Variants in ARHGAP35 observed in about 807,000 individuals in gnomAD.
ARHGAP35 encodes the protein Rho GTPase activating protein 35, also known as rho GTPase-activating protein 35.
ARHGAP35 carries 15 observed loss-of-function variants against 111.1 expected under a neutral mutation model. The observed-to-expected ratio is 0.13, with a 90% CI of 0.09 to 0.21. The LOEUF is 0.21. Among genes scored for constraint, ARHGAP35 ranks in the 10% least tolerant of loss-of-function variants. The pLI is 1.00. For missense variants in ARHGAP35, 1,262 were observed against 1,873.0 expected (o/e 0.67, Z 6.02); for synonymous variants, 643 against 710.3 (o/e 0.91, Z 1.51).
chr19:46,958,629 G>A (rs2056456895), intron 3 of ARHGAP35, among the ~76,000 whole-genome samples: 1 of 152,178 alleles, frequency 6.6e-6, no homozygotes, highest in African/African-American at 2.4e-5. Context: ...GCTCTACCTC[G>A]TTGATTGACC....
chr19:46,986,723 CAAG>C lies in ARHGAP35; in HGVS notation c.3827-1263_3827-1261del, dbSNP rs1361986961. 6.6e-6 allele frequency among the ~76,000 whole-genome samples: 1 copy of C among 152,178 alleles called. No individual in the cohort carries two copies. Among genetic ancestry groups the C allele is most frequent in the Non-Finnish European group, 1.5e-5 (1 of 68,026 alleles). On this transcript the variant is annotated intron_variant, in intron 3 of 6. Transcript: ENST00000672722. This position sits in a 1 kb window ranked among gnomAD's most constrained non-coding sequence, Gnocchi z 4.3. ...AAAATAAGAACACTAGGAAAATTAA[CAAG>C]AACATGAATACGATATTCACAAAGT... is the stretch of plus-strand genomic sequence containing the variant.
chr19:46,861,556 CCCTTCCA>C (rs1189629437), intron 1 of ARHGAP35, among the ~76,000 whole-genome samples: 2 of 151,306 alleles, frequency 1.3e-5, no homozygotes, highest in East Asian at 3.9e-4. Flanking sequence ...CCCCCCTTCC[CCCTTCCA>C]CCCCTCCATA....
chr19:46,937,597 C>T (rs753695046), intron 3 of ARHGAP35, among the ~76,000 whole-genome samples, 189 bp downstream of exon 3: 19 of 152,232 alleles, frequency 1.2e-4, no homozygotes, highest in Non-Finnish European at 2.6e-4. Flanking sequence ...TTGAGGCTGT[C>T]GTTGGGCATT....
At chr19:46,913,756 A>G (rs1406812167) in intron 1 of ARHGAP35, among the ~76,000 whole-genome samples, 2 of 152,206 alleles carry the variant, frequency 1.3e-5, no homozygotes, top group Non-Finnish European at 2.9e-5. Context: ...AGTAATTACC[A>G]TTTTTAAAGG....
rs1264481459 is a variant in ARHGAP35 at position 46,921,358 on chromosome 19, G to T, written c.2683G>T (p.Val895Phe). The T allele has an allele frequency of 6.2e-7, 1 of 1,613,820 alleles. No homozygotes were observed. The highest frequency in any genetic ancestry group is 8.5e-7 in the Non-Finnish European group (1 of 1,179,890). Residue 895 changes from valine to phenylalanine, a missense_variant, in exon 2 of 7, where the codon GTC becomes TTC. Physicochemically the swap from Val to Phe is conservative, Grantham distance 50. Coordinates refer to ENST00000672722, the MANE Select transcript of ARHGAP35 (RefSeq NM_004491.5). The surrounding 1 kb of genome is among the most constrained non-coding windows in gnomAD (Gnocchi z 4.3). ...AGCACTCACTGATGGCGCTGTAGAT[G>T]TCCTGGACAATGACTTAAGTAGGGA... The part of the protein sequence containing the change: ...LVALTDGAVD[V>F]LDNDLSREQL...
Position 46,989,378 on chromosome 19 carries a change from C to G in ARHGAP35, c.3905-166C>G, listed in dbSNP as rs2056667801. 2.4e-6 allele frequency: 2 copies of G among 837,176 alleles called. No homozygotes were observed. Among genetic ancestry groups the G allele is most frequent in the Non-Finnish European group, 1.8e-6 (1 of 555,888 alleles). 51.9% of individuals were successfully genotyped at this position (837,176 alleles called of 1,614,324 possible). ...CTGGGGCCAGCCCATGCCTGAACCT[C>G]AGAACTCGCGTTAGCGCTCACAAGT... On this transcript the variant is annotated intron_variant, in intron 4 of 6. Transcript: ENST00000672722. This position sits in a 1 kb window ranked among gnomAD's most constrained non-coding sequence, Gnocchi z 5.3.
At chr19:46,953,085 A>G (rs1421178691) in intron 3 of ARHGAP35, among the ~76,000 whole-genome samples, 1 of 152,204 alleles carries the variant, frequency 6.6e-6, no homozygotes, top group African/African-American at 2.4e-5. Flanking sequence ...CAGCAAGTAT[A>G]TATTGAGCAT....
At chr19:46,864,583 T>C (rs2055845545) in intron 1 of ARHGAP35, among the ~76,000 whole-genome samples, 1 of 152,234 alleles carries the variant, frequency 6.6e-6, no homozygotes, top group African/African-American at 2.4e-5. Flanking sequence ...ATCTACAGAG[T>C]TGGACCATTC....
intron 1 of ARHGAP35, among the ~76,000 whole-genome samples, chr19:46,888,863 G>A (rs2056009527): frequency 6.7e-6 from 1 of 149,506 alleles, no homozygotes; most frequent in African/African-American, 2.5e-5. Flanking sequence ...AAAAAAATTA[G>A]GCAGGGGTGG....
intron 3 of ARHGAP35, among the ~76,000 whole-genome samples, chr19:46,954,890 G>A (rs147957103): frequency 5.3e-5 from 8 of 152,188 alleles, no homozygotes; most frequent in South Asian, 2.1e-4. Context: ...CTTCTGTTAC[G>A]GCTGTCAGGA....
intron 2 of ARHGAP35, among the ~76,000 whole-genome samples, chr19:46,935,931 G>A (rs1219744436): frequency 1.3e-5 from 2 of 152,144 alleles, no homozygotes; most frequent in African/African-American, 4.8e-5. Context: ...ATAGGCTTTG[G>A]AGACAAACCT....
intron 1 of ARHGAP35, among the ~76,000 whole-genome samples, chr19:46,897,419 A>AC (rs2056063175): frequency 6.7e-6 from 1 of 149,546 alleles, no homozygotes; most frequent in South Asian, 2.1e-4. Flanking sequence ...GTAGTTGTTA[A>AC]CCCTTGAAGG....
intron 1 of ARHGAP35, among the ~76,000 whole-genome samples, chr19:46,882,328 G>A (rs2055966785): frequency 6.6e-6 from 1 of 151,722 alleles, no homozygotes; most frequent in Non-Finnish European, 1.5e-5. Flanking sequence ...TGTAGAGACA[G>A]GATCAGCGTA....
chr19:46,944,808 C>T (rs1055144904), intron 3 of ARHGAP35, among the ~76,000 whole-genome samples: 17 of 152,142 alleles, frequency 1.1e-4, no homozygotes, highest in African/African-American at 3.9e-4. Flanking sequence ...ACAAGCAGGG[C>T]GCTGTGTTGA....
At chr19:46,890,842 G>C (rs950868293) in intron 1 of ARHGAP35, among the ~76,000 whole-genome samples, 19 of 152,224 alleles carry the variant, frequency 1.2e-4, no homozygotes, top group Admixed American at 1.2e-3. Context: ...ATACGGTTCT[G>C]TTTGCCCTTA....
chr19:46,867,913 C>T (rs144419842), intron 1 of ARHGAP35, among the ~76,000 whole-genome samples: 163 of 152,276 alleles, frequency 1.1e-3, no homozygotes, highest in African/African-American at 3.7e-3. Flanking sequence ...ATCGCCCAGG[C>T]TGGAGTGCAG....
chr19:46,962,577 G>A (rs1171533180), intron 3 of ARHGAP35, among the ~76,000 whole-genome samples: 4 of 152,136 alleles, frequency 2.6e-5, no homozygotes, highest in African/African-American at 4.8e-5. Flanking sequence ...AGAAAAGTTC[G>A]GTTCTCTGTT....
intron 1 of ARHGAP35, among the ~76,000 whole-genome samples, chr19:46,861,819 C>T (rs1599786292): frequency 6.6e-6 from 1 of 152,048 alleles, no homozygotes; most frequent in African/African-American, 2.4e-5. Context: ...CCTGCGGTTC[C>T]AACCCTTTGG....
chr19:46,934,803 G>A (rs2056296065), intron 2 of ARHGAP35, among the ~76,000 whole-genome samples: 1 of 151,994 alleles, frequency 6.6e-6, no homozygotes, highest in Non-Finnish European at 1.5e-5. Context: ...CCAGGTATCT[G>A]GGACTATAGG....
Sources: gnomAD v4.1 joint callset for allele counts (sites outside exome capture counted in the v4.1 genomes callset) on GRCh38, gnomAD v4.1.1 for gene constraint, Gnocchi (gnomAD v3.1) non-coding constraint, MANE v1.5 for transcripts, NCBI Gene and HGNC (gene_info 2026-07-23, HGNC 2026-07-21) for gene names.